Variants in GALM observed in about 807,000 individuals in gnomAD.
The protein encoded by GALM is galactose mutarotase.
GALM carries 43 observed loss-of-function variants against 37.4 expected under a neutral mutation model. The ratio of observed to expected loss-of-function variants is 1.15; its 90% CI spans 0.90 to 1.48. The LOEUF is 1.48. Among genes scored for constraint, GALM ranks in the 40% most tolerant of loss-of-function variants. The pLI is 0.00. For synonymous variants in GALM, 199 were observed against 170.6 expected (o/e 1.17, Z -1.30); for missense variants, 456 against 419.1 (o/e 1.09, Z -0.77).
rs1558591638 is a variant in GALM, at chr2:38,711,362, C to T, written c.635-18194C>T. Among the ~76,000 whole-genome samples, 9 of 151,816 alleles carry T rather than the reference C, an allele frequency of 5.9e-5. No homozygotes were observed. The South Asian group carries it at 6.2e-4, about 11-fold the overall frequency. On this transcript the variant is annotated intron_variant, in intron 4 of 6. Transcript: ENST00000272252. ...TTTTAGTAGAGACAGGGTTTCACGA[C>T]GTTGGTCACGCTGGTCTCGAACTCC... is the stretch of plus-strand genomic sequence containing the variant.
intron 4 of GALM, among the ~76,000 whole-genome samples, chr2:38,695,860 G>A (rs1435567608): frequency 6.6e-6 from 1 of 151,600 alleles, no homozygotes; most frequent in African/African-American, 2.4e-5. Context: ...CACCATACCC[G>A]GATAATTTTT....
At chr2:38,716,329 A>G (rs1273503851) in intron 4 of GALM, among the ~76,000 whole-genome samples, 1 of 152,222 alleles carries the variant, frequency 6.6e-6, no homozygotes, top group African/African-American at 2.4e-5. Flanking sequence ...GCCCTGGTGT[A>G]CTACACAAAG....
intron 4 of GALM, among the ~76,000 whole-genome samples, chr2:38,701,421 A>G (rs906094222): frequency 6.6e-6 from 1 of 152,144 alleles, no homozygotes; most frequent in African/African-American, 2.4e-5. Flanking sequence ...TGCTTTGACT[A>G]GGTCTTTTGC....
intron 6 of GALM, among the ~76,000 whole-genome samples, 160 bp downstream of exon 6, chr2:38,732,069 G>A (rs979196321): frequency 6.6e-6 from 1 of 152,148 alleles, no homozygotes; most frequent in Non-Finnish European, 1.5e-5. Context: ...CGCCTAGGCT[G>A]TAGTGCAGTG....
chr2:38,693,556 A>G (rs1387143405), intron 4 of GALM, among the ~76,000 whole-genome samples: 1 of 152,152 alleles, frequency 6.6e-6, no homozygotes, highest in East Asian at 1.9e-4. Flanking sequence ...TTCTCAAAAT[A>G]AATATGCACT....
intron 4 of GALM, among the ~76,000 whole-genome samples, chr2:38,720,430 A>T (rs951720864): frequency 2.7e-5 from 4 of 150,924 alleles, no homozygotes; most frequent in Admixed American, 6.6e-5. Context: ...AAAAAAAAAA[A>T]AAAAAAAAAG....
At chr2:38,692,197 A>T (rs1013018636) in intron 4 of GALM, among the ~76,000 whole-genome samples, 1 of 152,198 alleles carries the variant, frequency 6.6e-6, no homozygotes, top group African/African-American at 2.4e-5. Context: ...CCTACATGTT[A>T]TACCTGTTTG....
At chr2:38,728,379 C>G (rs1316225089) in intron 4 of GALM, among the ~76,000 whole-genome samples, 1 of 139,628 alleles carries the variant, frequency 7.2e-6, no homozygotes, top group East Asian at 2.2e-4. Context: ...GGGCGACGAG[C>G]AAAACTCTGT....
intron 4 of GALM, among the ~76,000 whole-genome samples, chr2:38,718,789 A>C (rs991117539): frequency 6.6e-6 from 1 of 151,196 alleles, no homozygotes; most frequent in East Asian, 2.0e-4. Flanking sequence ...AACGACTCTT[A>C]CAGCATCATT....
chr2:38,704,084 C>G (rs1489657004), intron 4 of GALM, among the ~76,000 whole-genome samples: 1 of 151,422 alleles, frequency 6.6e-6, no homozygotes, highest in Non-Finnish European at 1.5e-5. Flanking sequence ...ATGTAAAATC[C>G]TTTGTGAACT....
chr2:38,707,298 G>T (rs1666051883), intron 4 of GALM, among the ~76,000 whole-genome samples: 1 of 152,134 alleles, frequency 6.6e-6, no homozygotes, highest in Non-Finnish European at 1.5e-5. Flanking sequence ...AAGCCACGTG[G>T]ATTTACCAGA....
At chr2:38,726,979 G>A (rs1441630996) in intron 4 of GALM, among the ~76,000 whole-genome samples, 1 of 151,862 alleles carries the variant, frequency 6.6e-6, no homozygotes, top group African/African-American at 2.4e-5. Context: ...ACTTTGGGAG[G>A]CCAAGGTGGG....
intron 4 of GALM, chr2:38,698,359 A>G (rs1665851306): frequency 1.5e-6 from 2 of 1,303,602 alleles, no homozygotes; most frequent in Non-Finnish European, 1.0e-6. Context: ...TTCCTGTCCC[A>G]TGGCAGGTGG....
intron 4 of GALM, among the ~76,000 whole-genome samples, chr2:38,692,235 G>C (rs527766198): frequency 6.6e-6 from 1 of 152,248 alleles, no homozygotes; most frequent in South Asian, 2.1e-4. Context: ...AGAAATTGTA[G>C]TATTGTTTTC....
Position 38,713,495 on chromosome 2 carries a change from C to T in GALM, c.635-16061C>T, listed in dbSNP as rs879334219. On this transcript the variant is annotated intron_variant, in intron 4 of 6. Coordinates refer to ENST00000272252, the MANE Select transcript of GALM (RefSeq NM_138801.3). ...CAGGCAGGGGAGCTCCAGCCAGAAA[C>T]GGGAAGTGTCTCAAACCTTAGTGAA... Among the ~76,000 whole-genome samples the T allele has an allele frequency of 1.5e-3, 227 of 152,246 alleles. 1 individual carries two copies. The highest frequency in any genetic ancestry group is 2.7e-3 in the Non-Finnish European group (187 of 68,014).
chr2:38,723,253 G>A (rs1239684999), intron 4 of GALM, among the ~76,000 whole-genome samples: 1 of 152,174 alleles, frequency 6.6e-6, no homozygotes, highest in Non-Finnish European at 1.5e-5. Context: ...GAGAGGCCGG[G>A]GGAAAAGAGC....
intron 4 of GALM, among the ~76,000 whole-genome samples, chr2:38,702,389 A>G (rs1011231429): frequency 2.6e-5 from 4 of 152,146 alleles, no homozygotes; most frequent in Non-Finnish European, 5.9e-5. Context: ...CACTGGTCAA[A>G]AAACAAAAAC....
chr2:38,676,067 G>A lies in GALM; in HGVS notation c.345+1G>A. On this transcript the variant is annotated splice_donor_variant, in intron 2 of 6. Transcript: ENST00000272252. LOFTEE classifies it high-confidence loss of function. ...TGGAGGAGTCAGAGGGTTTGATAAAGTAAGTACGGCACATGTGACTGAGTT... is the reference window on the plus strand; with the variant it reads ...TGGAGGAGTCAGAGGGTTTGATAAAATAAGTACGGCACATGTGACTGAGTT... 1 of 1,613,948 alleles carries A rather than the reference G, an allele frequency of 6.2e-7. No homozygotes were observed. The highest frequency in any genetic ancestry group is 8.5e-7 in the Non-Finnish European group (1 of 1,179,938).
chr2:38,708,084 G>A (rs1666076689), intron 4 of GALM, among the ~76,000 whole-genome samples: 1 of 143,562 alleles, frequency 7.0e-6, no homozygotes, highest in Non-Finnish European at 1.5e-5. Flanking sequence ...TCCAGCATGG[G>A]CAACAGAGTG....
Sources: gnomAD v4.1 joint callset for allele counts (sites outside exome capture counted in the v4.1 genomes callset) on GRCh38, gnomAD v4.1.1 for gene constraint, MANE v1.5 for transcripts, NCBI Gene and HGNC (gene_info 2026-07-23, HGNC 2026-07-21) for gene names.